The following HERC2 variants were observed in gnomAD, a reference collection of about 807,000 sequenced individuals.
HERC2 encodes E3 ubiquitin-protein ligase HERC2.
Under a neutral mutation model 537.7 loss-of-function variants are expected in HERC2, and 102 were observed. That is an observed-to-expected ratio of 0.19 (90% CI 0.16 to 0.22). HERC2 has a LOEUF of 0.22. Ranked by LOEUF, HERC2 falls within the 10% of genes least tolerant of loss-of-function variation. The pLI, the probability that HERC2 is intolerant of heterozygous loss-of-function variation, is 1.00. For synonymous variants in HERC2, 2,224 were observed against 2,466.2 expected (o/e 0.90, Z 2.91); for missense variants, 4,236 against 6,198.2 (o/e 0.68, Z 10.63).
At chr15:28,298,268 C>T (rs1186528936) in intron 3 of HERC2, among the ~76,000 whole-genome samples, 16 of 147,296 alleles carry the variant, frequency 1.1e-4, no homozygotes, top group Admixed American at 8.1e-4. Flanking sequence ...ATTCTCCTGC[C>T]GTGCCCTCCC....
intron 86 of HERC2, among the ~76,000 whole-genome samples, chr15:28,119,379 G>A (rs1451409905): frequency 7.3e-6 from 1 of 137,068 alleles, no homozygotes; most frequent in Non-Finnish European, 1.5e-5. Context: ...CAGGCTGGGC[G>A]ACAGAACAAG....
intron 57 of HERC2, 73 bp from the exon 58 acceptor site, chr15:28,179,296 T>C (rs1895601853): frequency 9.0e-7 from 1 of 1,116,282 alleles, no homozygotes; most frequent in Non-Finnish European, 1.3e-6. Flanking sequence ...TATGTTACCT[T>C]ATTATATGAT....
intron 35 of HERC2, 67 bp downstream of exon 35, chr15:28,228,151 A>T: frequency 7.3e-7 from 1 of 1,363,066 alleles, no homozygotes; most frequent in Non-Finnish European, 1.0e-6. Context: ...AAAAGAAAAG[A>T]AAAGAAAAGA....
chr15:28,257,211 A>G lies in HERC2; in HGVS notation c.2367T>C (p.Pro789=), dbSNP rs774993538. The G allele has an allele frequency of 3.1e-6, 5 of 1,613,804 alleles. No homozygotes were observed. The highest frequency in any genetic ancestry group is 4.2e-6 in the Non-Finnish European group (5 of 1,179,848). ...TCATTGAGCAGATGTCCACCACAAA[A>G]GGGACACGGAGGCCAATGGACCACT... The part of the protein sequence containing the change: ...CSEWSIGLRV[P]FVVDICSMTF... The change falls in exon 17 of 93, where the codon CCT becomes CCC. Residue 789 remains proline, a synonymous_variant. Coordinates refer to ENST00000261609, the MANE Select transcript of HERC2 (RefSeq NM_004667.6).
Position 28,214,642 on chromosome 15 carries a change from G to C in HERC2, c.6358+13C>G, listed in dbSNP as rs767695325. ...TCTTCACCAGGGCACAGGGAAGGTA[G>C]ACGGCCACCCACCTCTGAGTAATGG... On this transcript the variant is annotated intron_variant, in intron 40 of 92. Coordinates refer to ENST00000261609, the MANE Select transcript of HERC2 (RefSeq NM_004667.6). The C allele has an allele frequency of 1.2e-6, 2 of 1,611,576 alleles. No individual in the cohort carries two copies. The highest frequency in any genetic ancestry group is 2.7e-5 in the African/African-American group (2 of 74,892).
intron 3 of HERC2, among the ~76,000 whole-genome samples, chr15:28,294,082 T>C (rs1170152161): frequency 6.6e-6 from 1 of 152,256 alleles, no homozygotes; most frequent in Non-Finnish European, 1.5e-5. Context: ...ACAGTTCCTC[T>C]GTTTACAACA....
intron 70 of HERC2, among the ~76,000 whole-genome samples, chr15:28,149,531 G>A (rs1015436568): frequency 1.4e-5 from 2 of 147,640 alleles, no homozygotes; most frequent in Admixed American, 6.7e-5. Flanking sequence ...GCTCCTAACC[G>A]AGAACGTCAC....
At chr15:28,279,615 C>CCACACACA (rs58447102) in intron 5 of HERC2, among the ~76,000 whole-genome samples, 8,068 of 141,590 alleles carry the variant, frequency 0.057, 469 homozygotes, top group East Asian at 0.32. Context: ...GACCCCATCT[C>CCACACACA]CACACACACA....
chr15:28,125,922 C>T (rs11074324), intron 83 of HERC2, among the ~76,000 whole-genome samples: 129,250 of 152,234 alleles, frequency 0.85, 58,323 homozygotes, highest in Non-Finnish European at 0.99. Flanking sequence ...AGCGATTCTC[C>T]GGCCTCAGCC....
chr15:28,282,905 TGG>T, intron 4 of HERC2, among the ~76,000 whole-genome samples: 1 of 145,454 alleles, frequency 6.9e-6, no homozygotes, highest in East Asian at 2.0e-4. Flanking sequence ...CACTCCAGCC[TGG>T]GAAACAGGGA....
chr15:28,231,985 G>A (rs1370487713), intron 30 of HERC2, among the ~76,000 whole-genome samples: 1 of 152,148 alleles, frequency 6.6e-6, no homozygotes, highest in Non-Finnish European at 1.5e-5. Context: ...GAGGCAGCCT[G>A]TCTCCTGGGC....
At chr15:28,199,049 A>T (rs1250774026) in intron 48 of HERC2, among the ~76,000 whole-genome samples, 1 of 151,924 alleles carries the variant, frequency 6.6e-6, no homozygotes, top group Non-Finnish European at 1.5e-5. Context: ...CGGGAGACTG[A>T]GTTGAGAGGA....
chr15:28,249,947 G>A (rs1011401408), intron 20 of HERC2, among the ~76,000 whole-genome samples: 12 of 151,632 alleles, frequency 7.9e-5, no homozygotes, highest in East Asian at 3.9e-4. Flanking sequence ...GAGCCACCAC[G>A]CCCGGCCTAA....
At chr15:28,149,080 G>A (rs34261044) in intron 70 of HERC2, among the ~76,000 whole-genome samples, 492 of 149,104 alleles carry the variant, frequency 3.3e-3, no homozygotes, top group Non-Finnish European at 6.1e-3. Flanking sequence ...ACTCCTAACC[G>A]AGAACATCAC....
intron 52 of HERC2, among the ~76,000 whole-genome samples, chr15:28,195,667 T>C (rs1213524024): frequency 6.6e-6 from 1 of 151,792 alleles, no homozygotes; most frequent in South Asian, 2.1e-4. Context: ...GTTACCAGGG[T>C]TGGGGTAAGG....
intron 70 of HERC2, 35 bp from the exon 71 acceptor site, chr15:28,146,379 C>T (rs370151922): frequency 2.1e-6 from 3 of 1,422,544 alleles, no homozygotes; most frequent in African/African-American, 2.8e-5. Context: ...ATAGCAACCA[C>T]TCCAGATCAG....
intron 78 of HERC2, among the ~76,000 whole-genome samples, chr15:28,137,981 G>A (rs1890820060): frequency 6.6e-6 from 1 of 152,204 alleles, no homozygotes; most frequent in South Asian, 2.1e-4. Flanking sequence ...TGCTGATATA[G>A]AGAATGTTTG....
At chr15:28,185,630 G>T (rs761812321) in intron 56 of HERC2, among the ~76,000 whole-genome samples, 1 of 152,178 alleles carries the variant, frequency 6.6e-6, no homozygotes, top group Non-Finnish European at 1.5e-5. Flanking sequence ...GCACAAGCAT[G>T]CAAAAACTTC....
intron 4 of HERC2, among the ~76,000 whole-genome samples, chr15:28,286,199 TAGAAGCTAATATTA>T (rs1201394360): frequency 2.6e-5 from 4 of 151,822 alleles, no homozygotes; most frequent in Admixed American, 2.6e-4. Flanking sequence ...AAGCTAATAT[TAGAAGCTAATATTA>T]AGAAGCTAAT....
Sources: gnomAD v4.1 joint callset for allele counts (sites outside exome capture counted in the v4.1 genomes callset) on GRCh38, gnomAD v4.1.1 for gene constraint, MANE v1.5 for transcripts, NCBI Gene and HGNC (gene_info 2026-07-23, HGNC 2026-07-21) for gene names.